ZNF474: variants seen among roughly 807,000 people sequenced by gnomAD.
ZNF474 encodes 4933409D10Rik.
For synonymous variants in ZNF474, 192 were observed against 162.2 expected (o/e 1.18, Z -1.39); for missense variants, 511 against 433.8 (o/e 1.18, Z -1.58).
chr5:122,134,264 T>C (rs763486486), intron 1 of ZNF474, among the ~76,000 whole-genome samples: 1 of 152,144 alleles, frequency 6.6e-6, no homozygotes, highest in Non-Finnish European at 1.5e-5. Context: ...AATGGCAAAG[T>C]GCAAATAGAA....
intron 1 of ZNF474, among the ~76,000 whole-genome samples, chr5:122,136,739 T>G (rs778047663): frequency 2.0e-5 from 3 of 152,214 alleles, no homozygotes; most frequent in Admixed American, 6.5e-5. Context: ...TGTGTAAGAC[T>G]TGAGAAAATA....
chr5:122,148,323 A>C (rs1426301464), intron 1 of ZNF474, among the ~76,000 whole-genome samples: 2 of 152,208 alleles, frequency 1.3e-5, no homozygotes, highest in Non-Finnish European at 2.9e-5. Flanking sequence ...TAAGGGAAAA[A>C]TTTCAGGAGA....
intron 1 of ZNF474, 74 bp from the exon 2 acceptor site, chr5:122,151,705 A>ATGTCTGTGGG: frequency 4.9e-6 from 1 of 205,156 alleles, no homozygotes. Flanking sequence ...AACAACCTAA[A>ATGTCTGTGGG]TGTGTGTGTG....
At chr5:122,142,880 T>C (rs974823538) in intron 1 of ZNF474, among the ~76,000 whole-genome samples, 2 of 152,156 alleles carry the variant, frequency 1.3e-5, no homozygotes, top group African/African-American at 4.8e-5. Context: ...GCCAGGAACG[T>C]CATGGCGAGC....
chr5:122,145,798 A>C (rs1755973213), intron 1 of ZNF474, among the ~76,000 whole-genome samples: 1 of 152,248 alleles, frequency 6.6e-6, no homozygotes, highest in South Asian at 2.1e-4. Context: ...ATTTATTGCA[A>C]TATTTAAGTA....
intron 1 of ZNF474, among the ~76,000 whole-genome samples, chr5:122,139,410 C>T (rs1427940): frequency 3.3e-5 from 5 of 152,060 alleles, no homozygotes; most frequent in Non-Finnish European, 4.4e-5. Context: ...TTTCATGTAA[C>T]CAAATTTATT....
chr5:122,133,694 G>C (rs1447061115), intron 1 of ZNF474, among the ~76,000 whole-genome samples: 1 of 152,006 alleles, frequency 6.6e-6, no homozygotes, highest in Non-Finnish European at 1.5e-5. Context: ...CAAGTAGCTG[G>C]GACTACAGGT....
rs138706993 is a variant in ZNF474 at position 122,130,567 on chromosome 5, A to G, written c.-213+884A>G. Among the ~76,000 whole-genome samples the G allele has an allele frequency of 5.8e-3, 886 of 152,222 alleles. 11 individuals are homozygous for G. The highest frequency in any genetic ancestry group is 0.02 in the African/African-American group (830 of 41,550). ...TAATTGCATTATATGCTTATTTTACATTTGTTTATTACATTGATTGGTAGT... is the reference window on the plus strand; with the variant it reads ...TAATTGCATTATATGCTTATTTTACGTTTGTTTATTACATTGATTGGTAGT... On this transcript the variant is annotated intron_variant, in intron 1 of 1. Coordinates refer to ENST00000296600, the MANE Select transcript of ZNF474 (RefSeq NM_207317.3).
chr5:122,152,129 A>G lies in ZNF474; in HGVS notation c.139A>G (p.Ser47Gly). 1.2e-6 allele frequency: 2 copies of G among 1,614,172 alleles called. No homozygotes were observed. Among genetic ancestry groups the G allele is most frequent in the Non-Finnish European group, 1.7e-6 (2 of 1,180,038 alleles). Residue 47 changes from serine (S) to glycine (G), a missense_variant, in exon 2 of 2, where the codon AGT becomes GGT. Physicochemically the swap from Ser to Gly is moderately conservative, Grantham distance 56. Transcript: ENST00000296600. ...SYSSLSPETE[S>G]VNPGENIKTD... is the part of the protein sequence containing the mutation. ...TTCTAGCCTTTCCCCAGAAACAGAGAGTGTTAATCCTGGTGAAAATATAAA... is the reference window on the plus strand; with the variant it reads ...TTCTAGCCTTTCCCCAGAAACAGAGGGTGTTAATCCTGGTGAAAATATAAA...
Position 122,152,524 on chromosome 5 carries a change from T to C in ZNF474, c.534T>C (p.Asp178=). ...CCTGTGGCCGCACATTCTTGCCAGA[T>C]CATCTTCTTGTTCATCACAGAAGCT... ...CESCGRTFLP[D]HLLVHHRSCK... The change falls in exon 2 of 2, where the codon GAT becomes GAC. Residue 178 remains aspartate, a synonymous_variant. Coordinates refer to ENST00000296600, the MANE Select transcript of ZNF474 (RefSeq NM_207317.3). 6.2e-7 allele frequency: 1 copy of C among 1,614,134 alleles called. No homozygotes were observed. Among genetic ancestry groups the C allele is most frequent in the Non-Finnish European group, 8.5e-7 (1 of 1,180,018 alleles).
At chr5:122,136,194 C>A (rs1755695280) in intron 1 of ZNF474, among the ~76,000 whole-genome samples, 1 of 151,918 alleles carries the variant, frequency 6.6e-6, no homozygotes, top group African/African-American at 2.4e-5. Flanking sequence ...GGTAGATATC[C>A]CAATTACCCT....
intron 1 of ZNF474, among the ~76,000 whole-genome samples, chr5:122,142,305 T>C (rs2152605100): frequency 6.6e-6 from 1 of 152,352 alleles, no homozygotes; most frequent in African/African-American, 2.4e-5. Flanking sequence ...AAAGTTGATT[T>C]TAAATTAAAC....
chr5:122,138,537 A>G (rs140167284), intron 1 of ZNF474, among the ~76,000 whole-genome samples: 62 of 152,382 alleles, frequency 4.1e-4, no homozygotes, highest in African/African-American at 1.4e-3. Flanking sequence ...AAATAGAAGA[A>G]AAAGGCAATT....
At chr5:122,138,345 C>A (rs1755757626) in intron 1 of ZNF474, among the ~76,000 whole-genome samples, 1 of 152,082 alleles carries the variant, frequency 6.6e-6, no homozygotes, top group Non-Finnish European at 1.5e-5. Flanking sequence ...ACATGCAAAC[C>A]CACAATAAGA....
At chr5:122,137,502 G>T in intron 1 of ZNF474, among the ~76,000 whole-genome samples, 1 of 137,966 alleles carries the variant, frequency 7.2e-6, no homozygotes, top group South Asian at 2.4e-4. Flanking sequence ...GGCCTGAGTT[G>T]ACAATATTTA....
At chr5:122,137,252 C>A (rs1024561009) in intron 1 of ZNF474, among the ~76,000 whole-genome samples, 20 of 151,550 alleles carry the variant, frequency 1.3e-4, no homozygotes, top group African/African-American at 1.9e-4. Context: ...GCCAGCCTGG[C>A]CAACATGGGC....
chr5:122,148,648 G>A (rs1220137511), intron 1 of ZNF474, among the ~76,000 whole-genome samples: 1 of 152,098 alleles, frequency 6.6e-6, no homozygotes, highest in Non-Finnish European at 1.5e-5. Context: ...AGATATTGGT[G>A]AAATTAAGAA....
chr5:122,152,932 A>G lies in ZNF474; in HGVS notation c.942A>G (p.Lys314=). 6.2e-7 allele frequency: 1 copy of G among 1,607,642 alleles called. No individual in the cohort carries two copies. Among genetic ancestry groups the G allele is most frequent in the Non-Finnish European group, 8.5e-7 (1 of 1,179,918 alleles). Residue 314 remains lysine (K), a synonymous_variant, in exon 2 of 2, where the codon AAA becomes AAG. Transcript: ENST00000296600. ...GTAAAACTCATCCTTATGGGCCAAA[A>G]TATCAGAATTTGAATTTAGGGAGTA... ...RSCKTHPYGP[K]YQNLNLGSKG... is the part of the protein sequence containing the mutation.
At chr5:122,144,324 G>A (rs1427549537) in intron 1 of ZNF474, among the ~76,000 whole-genome samples, 1 of 152,122 alleles carries the variant, frequency 6.6e-6, no homozygotes, top group Non-Finnish European at 1.5e-5. Flanking sequence ...GTCCCCACAG[G>A]ACACTTTCAA....
Sources: allele counts gnomAD v4.1 joint callset (sites outside exome capture counted in the v4.1 genomes callset), GRCh38; gene constraint gnomAD v4.1.1; transcripts MANE v1.5; gene names NCBI Gene and HGNC (gene_info 2026-07-23, HGNC 2026-07-21).